The following RARB variants were observed in gnomAD, a reference collection of about 807,000 sequenced individuals.
RARB encodes the protein HBV-activated protein.
A neutral mutation model predicts 51.9 loss-of-function variants in RARB; 17 were observed. That is an observed-to-expected ratio of 0.33 (90% CI 0.22 to 0.49). The LOEUF is 0.49. Among genes scored for constraint, RARB ranks in the 20% least tolerant of loss-of-function variants. RARB has a pLI of 0.99. For synonymous variants in RARB, 215 were observed against 195.4 expected (o/e 1.10, Z -0.84); for missense variants, 369 against 550.8 (o/e 0.67, Z 3.30).
intron 2 of RARB, among the ~76,000 whole-genome samples, chr3:24,991,761 G>GTTTT (rs77706052): frequency 5.4e-4 from 77 of 143,424 alleles, no homozygotes; most frequent in Non-Finnish European, 1.1e-3. Flanking sequence ...TATGGAGGGT[G>GTTTT]TTTTTTTTTT....
At chr3:25,180,983 G>A (rs1228781302) in intron 5 of RARB, among the ~76,000 whole-genome samples, 1 of 152,114 alleles carries the variant, frequency 6.6e-6, no homozygotes, top group Admixed American at 6.5e-5. Context: ...CTGGAAAAGG[G>A]AAATAGAGAA....
chr3:25,420,656 A>T (rs1472376162), intron 5 of RARB, among the ~76,000 whole-genome samples: 1 of 152,228 alleles, frequency 6.6e-6, no homozygotes, highest in South Asian at 2.1e-4. Context: ...GCAAAAAGCC[A>T]TACTCTGCTT....
At chr3:25,215,738 G>C (rs186587997) in intron 5 of RARB, among the ~76,000 whole-genome samples, 2 of 152,080 alleles carry the variant, frequency 1.3e-5, no homozygotes, top group Non-Finnish European at 2.9e-5. Context: ...AAGGAAACTC[G>C]GAATGAAGGG....
chr3:25,444,931 AT>A (rs1708861917), intron 1 of RARB, among the ~76,000 whole-genome samples: 1 of 152,112 alleles, frequency 6.6e-6, no homozygotes, highest in South Asian at 2.1e-4. Flanking sequence ...AGCTGGAGAA[AT>A]GAATGAACAC....
chr3:24,831,946 C>G (rs530299272), intron 1 of RARB, among the ~76,000 whole-genome samples: 2 of 152,226 alleles, frequency 1.3e-5, no homozygotes, highest in South Asian at 4.1e-4. Context: ...GTTAAATTTT[C>G]TGAAAGTGAG....
At chr3:25,358,945 T>C (rs1028016992) in intron 5 of RARB, among the ~76,000 whole-genome samples, 5 of 152,134 alleles carry the variant, frequency 3.3e-5, no homozygotes, top group Admixed American at 1.3e-4. Context: ...ATTTTCTTTT[T>C]TTTTTTTAAT....
intron 1 of RARB, among the ~76,000 whole-genome samples, chr3:25,448,493 G>A (rs953989936): frequency 2.6e-5 from 4 of 152,138 alleles, no homozygotes; most frequent in Admixed American, 2.0e-4. Flanking sequence ...TTGAGACAGA[G>A]TTTCACTCTT....
At chr3:25,223,375 G>C (rs1351608640) in intron 5 of RARB, among the ~76,000 whole-genome samples, 3 of 152,186 alleles carry the variant, frequency 2.0e-5, no homozygotes, top group Non-Finnish European at 4.4e-5. Flanking sequence ...AAGGCTTAAT[G>C]AATATTAAGT....
chr3:25,135,583 G>C (rs957745708), intron 4 of RARB, among the ~76,000 whole-genome samples: 1 of 151,942 alleles, frequency 6.6e-6, no homozygotes, highest in Non-Finnish European at 1.5e-5. Flanking sequence ...GCCACTCTGG[G>C]ACTCTTGTCT....
chr3:25,073,605 C>T (rs904226899), intron 3 of RARB, among the ~76,000 whole-genome samples: 1 of 152,186 alleles, frequency 6.6e-6, no homozygotes, highest in Non-Finnish European at 1.5e-5. Flanking sequence ...GACCCTTGGA[C>T]CCCCTTTCTG....
chr3:25,555,855 G>A (rs1386345846), intron 3 of RARB, among the ~76,000 whole-genome samples: 3 of 152,146 alleles, frequency 2.0e-5, no homozygotes, highest in Non-Finnish European at 4.4e-5. Flanking sequence ...ACCTTAGAAG[G>A]CATTAGCAGA....
intron 1 of RARB, among the ~76,000 whole-genome samples, chr3:25,456,551 C>A (rs1694914361): frequency 9.1e-6 from 1 of 109,646 alleles, no homozygotes; most frequent in Non-Finnish European, 1.8e-5. Context: ...GACTATACCA[C>A]TGATTTTTTT....
chr3:25,498,165 A>G (rs1190217391), intron 2 of RARB, among the ~76,000 whole-genome samples: 1 of 152,190 alleles, frequency 6.6e-6, no homozygotes, highest in Non-Finnish European at 1.5e-5. Flanking sequence ...CCAGAGATAA[A>G]TGGTTTCCAC....
chr3:24,913,176 G>A (rs1006930519), intron 2 of RARB, among the ~76,000 whole-genome samples: 1 of 151,460 alleles, frequency 6.6e-6, no homozygotes. Context: ...AGTAGAGACG[G>A]GGTTTCACTG....
intron 2 of RARB, among the ~76,000 whole-genome samples, chr3:24,927,810 T>C (rs1277812820): frequency 6.6e-6 from 1 of 152,018 alleles, no homozygotes; most frequent in Non-Finnish European, 1.5e-5. Context: ...TGAGTTGGTG[T>C]GAGTAGGTGC....
chr3:24,962,949 T>C (rs1575093863), intron 2 of RARB, among the ~76,000 whole-genome samples: 2 of 152,196 alleles, frequency 1.3e-5, no homozygotes, highest in Non-Finnish European at 2.9e-5. Flanking sequence ...GGTTAAGTAA[T>C]TTGCCGAAGT....
intron 5 of RARB, among the ~76,000 whole-genome samples, chr3:25,247,893 C>A (rs1702607151): frequency 6.6e-6 from 1 of 152,110 alleles, no homozygotes; most frequent in Non-Finnish European, 1.5e-5. Context: ...AATGTTAGAT[C>A]CATTAGTCTA....
chr3:24,888,119 A>G (rs903787156), intron 2 of RARB, among the ~76,000 whole-genome samples: 3 of 152,182 alleles, frequency 2.0e-5, no homozygotes, highest in African/African-American at 7.2e-5. Context: ...CACTTGCTAC[A>G]CAGAAGTACT....
At chr3:25,095,359 G>C (rs748672950) in intron 3 of RARB, among the ~76,000 whole-genome samples, 12 of 152,192 alleles carry the variant, frequency 7.9e-5, no homozygotes, top group Non-Finnish European at 1.3e-4. Context: ...AGCAACATCA[G>C]CACCATCTGG....
Sources: gnomAD v4.1 joint callset for allele counts (sites outside exome capture counted in the v4.1 genomes callset) on GRCh38, gnomAD v4.1.1 for gene constraint, MANE v1.5 for transcripts, NCBI Gene and HGNC (gene_info 2026-07-23, HGNC 2026-07-21) for gene names.